The following CD109 variants were observed in gnomAD, a reference collection of about 807,000 sequenced individuals.
The protein encoded by CD109 is CD109 antigen.
In CD109, 149 loss-of-function variants were observed where a neutral mutation model predicts 165.8. The observed-to-expected ratio is 0.90, with a 90% CI of 0.79 to 1.03. CD109 has a LOEUF of 1.03. CD109 is among the 50% of genes least tolerant of loss of function. The pLI, the probability that CD109 is intolerant of heterozygous loss-of-function variation, is 0.00. For missense variants in CD109, 1,712 were observed against 1,677.8 expected, an observed-to-expected ratio of 1.02 and a Z score of -0.36; for synonymous variants, 585 against 592.1, an observed-to-expected ratio of 0.99 and a Z score of 0.18.
chr6:73,792,673 A>G lies in CD109; in HGVS notation c.2749A>G (p.Met917Val). Residue 917 changes from methionine (M) to valine (V), a missense_variant, in exon 23 of 33, where the codon ATG (methionine) becomes GTG (valine). Transcript: ENST00000287097. Reference protein sequence around the residue: ...SINGLASLIRMPYGCGEQNMI... With the variant: ...SINGLASLIRVPYGCGEQNMI... ...CAATGGCTTAGCCTCATTGATTCGG[A>G]TGCCTTATGGCTGTGGTGAACAGAA... The G allele has an allele frequency of 6.2e-7, 1 of 1,613,368 alleles. No individual in the cohort carries two copies.
At position 73,785,464 on chromosome 6, in the gene CD109, A is replaced by C. The variant is rs151262239; in HGVS notation, c.2324A>C (p.Lys775Thr). The C allele has an allele frequency of 5.7e-4, 885 of 1,553,112 alleles. 7 individuals carry two copies. The African/African-American group carries it at 0.01, about 18-fold the overall frequency. The change falls in exon 20 of 33, where the codon AAA becomes ACA. Residue 775 changes from lysine (K) to threonine (T), a missense_variant. Transcript: ENST00000287097. ...ALEITIFNYL[K>T]DATEVKVIIE... ...GAAATAACTATATTCAATTATTTGA[A>C]AGATGCCACTGAGGTAATGTATTCA...
intron 2 of CD109, among the ~76,000 whole-genome samples, chr6:73,715,188 A>T (rs1205485438): frequency 1.3e-5 from 2 of 152,162 alleles, no homozygotes; most frequent in Non-Finnish European, 2.9e-5. Context: ...TGAACCCGGG[A>T]GGTGGAGGTT....
chr6:73,803,286 C>T lies in CD109; in HGVS notation c.2945C>T (p.Pro982Leu). 1 of 1,610,794 alleles carries T rather than the reference C, an allele frequency of 6.2e-7. No homozygotes were observed. The highest frequency in any genetic ancestry group is 1.7e-5 in the Admixed American group (1 of 59,404). Residue 982 changes from proline to leucine, a missense_variant, in exon 24 of 33, where the codon CCT becomes CTT. Pro to Leu is a moderately conservative substitution (Grantham distance 98). Coordinates refer to ENST00000287097, the MANE Select transcript of CD109 (RefSeq NM_133493.5). ...TTCAGTGCTTTTGGGAATTATGACC[C>T]TTCTGGGAGCACTTGGTAAGTGTTT... is the stretch of plus-strand genomic sequence containing the variant. ...GSFSAFGNYD[P>L]SGSTWLSAFV...
rs1448617968 is a variant in CD109 at position 73,787,362 on chromosome 6, C to G, written c.2466C>G (p.Ile822Met). The change falls in exon 21 of 33, where the codon ATC becomes ATG. Residue 822 changes from isoleucine to methionine, a missense_variant. Transcript: ENST00000287097. ...SEDGATVLFP[I>M]RPTHLGEIPI... ...ATGGGGCAACTGTTCTTTTTCCCAT[C>G]AGGCCAACACATCTGGGAGAAATTC... The G allele has an allele frequency of 6.2e-7, 1 of 1,613,986 alleles. No homozygotes were observed. The highest frequency in any genetic ancestry group is 8.5e-7 in the Non-Finnish European group (1 of 1,179,986).
At chr6:73,730,121 G>A (rs72955211) in intron 3 of CD109, among the ~76,000 whole-genome samples, 1 of 152,304 alleles carries the variant, frequency 6.6e-6, no homozygotes, top group Non-Finnish European at 1.5e-5. Flanking sequence ...AGTGGGCTAT[G>A]TGTCCCCCAT....
intron 23 of CD109, among the ~76,000 whole-genome samples, chr6:73,801,803 A>G (rs747726731): frequency 9.9e-5 from 15 of 152,254 alleles, no homozygotes; most frequent in Non-Finnish European, 1.6e-4. Context: ...AACATTTCAC[A>G]AATGAGTATG....
chr6:73,736,594 A>G, intron 5 of CD109, 86 bp downstream of exon 5: 1 of 1,162,558 alleles, frequency 8.6e-7, no homozygotes, highest in Non-Finnish European at 1.2e-6. Flanking sequence ...CATTTATACA[A>G]TGAAGAGAAA....
intron 23 of CD109, among the ~76,000 whole-genome samples, chr6:73,800,244 G>C (rs1486971405): frequency 2.0e-5 from 3 of 151,978 alleles, no homozygotes; most frequent in Non-Finnish European, 4.4e-5. Context: ...AGTGTATCCA[G>C]GAAATTACTC....
chr6:73,767,016 C>G lies in CD109; in HGVS notation c.1497+6C>G. ...TGAAGGAGTTAAGCTATATGGTAAT[C>G]TCTTATAGAATCTAAATTTATGATC... On this transcript the variant is annotated splice_donor_region_variant and intron_variant, in intron 13 of 32. Transcript: ENST00000287097. 6.2e-7 allele frequency: 1 copy of G among 1,607,522 alleles called. No individual in the cohort carries two copies. Among genetic ancestry groups the G allele is most frequent in the African/African-American group, 1.3e-5 (1 of 74,800 alleles).
intron 5 of CD109, among the ~76,000 whole-genome samples, chr6:73,749,087 G>A (rs1285135474): frequency 6.6e-6 from 1 of 152,174 alleles, no homozygotes; most frequent in African/African-American, 2.4e-5. Context: ...TGAAGCTTTT[G>A]TGTTGTATGC....
At chr6:73,736,059 A>G (rs563251339) in intron 4 of CD109, among the ~76,000 whole-genome samples, 1 of 152,314 alleles carries the variant, frequency 6.6e-6, no homozygotes, top group Admixed American at 6.5e-5. Flanking sequence ...ATGAGAAAAG[A>G]ATAAACTTTG....
At chr6:73,758,765 T>C (rs1773499601) in intron 6 of CD109, among the ~76,000 whole-genome samples, 179 bp from the exon 7 acceptor site, 1 of 152,222 alleles carries the variant, frequency 6.6e-6, no homozygotes, top group South Asian at 2.1e-4. Flanking sequence ...TGTCTTAATA[T>C]GTATTTGGAT....
At chr6:73,815,198 T>A (rs1250637754) in intron 30 of CD109, 75 bp downstream of exon 30, 2 of 1,217,894 alleles carry the variant, frequency 1.6e-6, no homozygotes, top group African/African-American at 3.2e-5. Flanking sequence ...TGTATAGTTG[T>A]CTATATCAAT....
rs778584391 is a variant in CD109, at chr6:73,785,422, G to T, written c.2282G>T (p.Gly761Val). 1 of 1,608,510 alleles carries T rather than the reference G, an allele frequency of 6.2e-7. No homozygotes were observed. The highest frequency in any genetic ancestry group is 1.3e-5 in the African/African-American group (1 of 74,776). The change falls in exon 20 of 33, where the codon GGT becomes GTT. Residue 761 changes from glycine (G) to valine (V), a missense_variant. Coordinates refer to ENST00000287097, the MANE Select transcript of CD109 (RefSeq NM_133493.5). ...AATCTTCCCTACTCTGTTATCAGAG[G>T]TGAAGAATTTGCTTTGGAAATAACT... is the stretch of plus-strand genomic sequence containing the variant. ...FLNLPYSVIRGEEFALEITIF... is the reference protein window; with the variant it reads ...FLNLPYSVIRVEEFALEITIF...
intron 10 of CD109, among the ~76,000 whole-genome samples, chr6:73,764,501 G>T (rs972576789): frequency 6.6e-6 from 1 of 152,178 alleles, no homozygotes; most frequent in East Asian, 1.9e-4. Context: ...GCAGTAGTTG[G>T]CTGATCTCTG....
In CD109 at chr6:73,768,211, C is replaced by A; in HGVS notation, c.1654C>A (p.Gln552Lys). The change falls in exon 14 of 33, where the codon CAG becomes AAG. Residue 552 changes from glutamine to lysine, a missense_variant. Coordinates refer to ENST00000287097, the MANE Select transcript of CD109 (RefSeq NM_133493.5). ...IISDVLKIPV[Q>K]LVFKNKIKLY... Reference sequence around the variant, plus strand: ...AAGTGATGTTCTAAAAATTCCTGTTCAGCTTGTTTTTAAAAATAAGGTAAG... The same window carrying A: ...AAGTGATGTTCTAAAAATTCCTGTTAAGCTTGTTTTTAAAAATAAGGTAAG... The A allele has an allele frequency of 6.3e-7, 1 of 1,578,168 alleles. No homozygotes were observed. Among genetic ancestry groups the A allele is most frequent in the South Asian group, 1.1e-5 (1 of 88,846 alleles).
At chr6:73,717,482 G>A (rs1771781809) in intron 2 of CD109, among the ~76,000 whole-genome samples, 1 of 151,444 alleles carries the variant, frequency 6.6e-6, no homozygotes, top group Non-Finnish European at 1.5e-5. Flanking sequence ...TCATTGTACA[G>A]ATTTTTCACT....
the CD109 span, among the ~76,000 whole-genome samples, chr6:73,684,930 CTT>C: frequency 5.1e-5 from 7 of 138,318 alleles, no homozygotes; most frequent in Admixed American, 7.3e-5. Flanking sequence ...ATTTTTTTTT[CTT>C]TTTTTTTTTT....
Position 73,780,487 on chromosome 6 carries a change from G to C in CD109, c.1891G>C (p.Ala631Pro). The C allele has an allele frequency of 6.2e-7, 1 of 1,605,898 alleles. No homozygotes were observed. The highest frequency in any genetic ancestry group is 1.3e-5 in the African/African-American group (1 of 74,794). Reference protein sequence around the residue: ...YYLGMFMNSFAVFQECGLWVL... With the variant: ...YYLGMFMNSFPVFQECGLWVL... ...TTTAGGCATGTTCATGAATTCTTTT[G>C]CAGTCTTTCAGGTATGTTTTGCTTG... Residue 631 changes from alanine (A) to proline (P), a missense_variant, in exon 16 of 33, where the codon GCA becomes CCA. Physicochemically the swap from Ala to Pro is conservative, Grantham distance 27. Coordinates refer to ENST00000287097, the MANE Select transcript of CD109 (RefSeq NM_133493.5).
Sources: allele counts gnomAD v4.1 joint callset (sites outside exome capture counted in the v4.1 genomes callset), GRCh38; gene constraint gnomAD v4.1.1; transcripts MANE v1.5; gene names NCBI Gene and HGNC (gene_info 2026-07-23, HGNC 2026-07-21).